DLAT: variants seen among roughly 807,000 people sequenced by gnomAD.
DLAT encodes dihydrolipoyllysine-residue acetyltransferase component of pyruvate dehydrogenase complex, mitochondrial.
In DLAT, 43 loss-of-function variants were observed where a neutral mutation model predicts 68.0. The observed-to-expected ratio is 0.63, with a 90% CI of 0.50 to 0.81. The LOEUF is 0.81. Ranked by LOEUF, DLAT falls within the 40% of genes least tolerant of loss-of-function variation. The pLI is 0.00. For synonymous variants in DLAT, 265 were observed against 288.6 expected, an observed-to-expected ratio of 0.92 and a Z score of 0.83; for missense variants, 745 against 815.4, an observed-to-expected ratio of 0.91 and a Z score of 1.05.
chr11:112,033,781 G>A (rs1862546443), intron 5 of DLAT, among the ~76,000 whole-genome samples: 3 of 152,052 alleles, frequency 2.0e-5, no homozygotes. Context: ...GCGGTGGCAA[G>A]ATCATAGCTC....
rs1448176285 is a variant in DLAT at position 112,036,179 on chromosome 11, G to A, written c.788-1094G>A. ...TGTGTGTGTATATATGTGTGTGTGT[G>A]TGTGTGTGTGTGTGTGTGTGTGTTT... On this transcript the variant is annotated intron_variant, in intron 5 of 13. Coordinates refer to ENST00000280346, the MANE Select transcript of DLAT (RefSeq NM_001931.5). 7.1e-5 allele frequency among the ~76,000 whole-genome samples: 5 copies of A among 70,290 alleles called. No homozygotes were observed. In the East Asian group the frequency reaches 1.9e-3, roughly 27 times the overall value. 46.1% of individuals were successfully genotyped at this position (70,290 alleles called of 152,430 possible).
At chr11:112,058,295 ATACCTTGGC>A (rs1373933909) in intron 11 of DLAT, among the ~76,000 whole-genome samples, 1 of 152,220 alleles carries the variant, frequency 6.6e-6, no homozygotes, top group Admixed American at 6.5e-5. Context: ...TTGCTGTGTG[ATACCTTGGC>A]TACAGTTCTG....
intron 1 of DLAT, 103 bp downstream of exon 1, chr11:112,025,854 C>G: frequency 7.0e-7 from 1 of 1,432,542 alleles, no homozygotes; most frequent in Admixed American, 2.2e-5. Flanking sequence ...CCACCCATTC[C>G]CAGTATCTGC....
intron 10 of DLAT, among the ~76,000 whole-genome samples, chr11:112,047,403 A>G (rs920298257): frequency 6.6e-6 from 1 of 152,100 alleles, no homozygotes; most frequent in East Asian, 1.9e-4. Context: ...ATTTTCTCCC[A>G]TTCTGTAGGT....
chr11:112,041,496 GT>G (rs1197399635), intron 7 of DLAT, among the ~76,000 whole-genome samples: 1 of 152,170 alleles, frequency 6.6e-6, no homozygotes, highest in African/African-American at 2.4e-5. Flanking sequence ...AGCCAACCAT[GT>G]GAAGAACTGG....
chr11:112,047,702 C>T (rs1295417348), intron 10 of DLAT, among the ~76,000 whole-genome samples: 1 of 152,198 alleles, frequency 6.6e-6, no homozygotes, highest in Admixed American at 6.5e-5. Context: ...GTTTTCCCAA[C>T]ATCATTGATT....
intron 10 of DLAT, among the ~76,000 whole-genome samples, chr11:112,049,620 G>T (rs868918775): frequency 1.3e-5 from 2 of 151,692 alleles, no homozygotes; most frequent in Middle Eastern, 3.4e-3. Context: ...GAGAAGGGCG[G>T]AAGAGTAGAA....
At chr11:112,038,201 T>A (rs1461107255) in intron 6 of DLAT, among the ~76,000 whole-genome samples, 2 of 151,438 alleles carry the variant, frequency 1.3e-5, no homozygotes, top group Non-Finnish European at 2.9e-5. Context: ...GTTGGATTTC[T>A]TTTGTTGTTG....
chr11:112,035,918 G>A (rs1386906978), intron 5 of DLAT, among the ~76,000 whole-genome samples: 3 of 147,014 alleles, frequency 2.0e-5, no homozygotes, highest in Non-Finnish European at 3.0e-5. Flanking sequence ...AGCTGCCCAA[G>A]TAGCTGGGAT....
chr11:112,059,813 T>G, intron 11 of DLAT, 90 bp from the exon 12 acceptor site: 1 of 1,202,908 alleles, frequency 8.3e-7, no homozygotes, highest in Non-Finnish European at 1.1e-6. Context: ...TCAAAAAATT[T>G]TTGAAGTAAA....
chr11:112,029,977 A>G lies in DLAT; in HGVS notation c.660+1032A>G, dbSNP rs1592662250. 3 of 1,000,462 alleles carry G rather than the reference A, an allele frequency of 3.0e-6. No individual in the cohort carries two copies. The East Asian group carries it at 9.8e-5, about 33-fold the overall frequency. The allele number at this position is 1,000,462 out of a possible 1,614,324, so 62.0% of individuals were successfully genotyped here. On this transcript the variant is annotated intron_variant, in intron 4 of 13. Transcript: ENST00000280346. The stretch of plus-strand genomic sequence containing the variant: ...ACATGCTTCCCATCCAGCCAATCAC[A>G]CTTAGAGCAGGTGATAAAGAACTGA...
At chr11:112,046,017 C>G in intron 10 of DLAT, 47 bp downstream of exon 10, 1 of 1,086,008 alleles carries the variant, frequency 9.2e-7, no homozygotes, top group Non-Finnish European at 1.4e-6. Flanking sequence ...AAAATTTTGT[C>G]TTTCCCCACC....
intron 2 of DLAT, 33 bp from the exon 3 acceptor site, chr11:112,028,482 A>T: frequency 6.2e-7 from 1 of 1,613,216 alleles, no homozygotes; most frequent in Non-Finnish European, 8.5e-7. Flanking sequence ...TACCAACAGT[A>T]CAAACCTGAG....
Position 112,045,229 on chromosome 11 carries a change from G to T in DLAT, c.1289G>T (p.Arg430Leu). 6.2e-7 allele frequency: 1 copy of T among 1,612,826 alleles called. No individual in the cohort carries two copies. The highest frequency in any genetic ancestry group is 8.5e-7 in the Non-Finnish European group (1 of 1,178,970). Reference protein sequence around the residue: ...FTDIPISNIRRVIAQRLMQSK... With the variant: ...FTDIPISNIRLVIAQRLMQSK... ...GATATCCCAATCAGCAACATTCGTC[G>T]GGTAAGAGAATTACCATCATCTGGA... Residue 430 changes from arginine to leucine, a missense_variant and splice_region_variant, in exon 9 of 14, where the codon CGG (arginine) becomes CTG (leucine). Physicochemically the swap from Arg to Leu is moderately radical, Grantham distance 102. Transcript: ENST00000280346.
rs781920122 is a variant in DLAT, at chr11:112,045,156, C to A, written c.1216C>A (p.Pro406Thr). 2.5e-6 allele frequency: 4 copies of A among 1,613,990 alleles called. No individual in the cohort carries two copies. The highest frequency in any genetic ancestry group is 2.5e-6 in the Non-Finnish European group (3 of 1,179,952). ...KVAPAPAAVV[P>T]PTGPGMAPVP... ...CCCATAGGCTCCGGCAGCTGTTGTGCCTCCCACAGGTCCTGGAATGGCACC... is the reference window on the plus strand; with the variant it reads ...CCCATAGGCTCCGGCAGCTGTTGTGACTCCCACAGGTCCTGGAATGGCACC... Residue 406 changes from proline to threonine, a missense_variant, in exon 9 of 14, where the codon CCT (proline) becomes ACT (threonine). By Grantham distance (38) the Pro-to-Thr change is conservative. Transcript: ENST00000280346.
At position 112,052,919 on chromosome 11, in the gene DLAT, A is replaced by C. The variant is rs114798635; in HGVS notation, c.1514+1570A>C. ...GCTTATTATATAAGGGCTCATTATAAATAACAAAACATACTCCTATCACTC... is the reference window on the plus strand; with the variant it reads ...GCTTATTATATAAGGGCTCATTATACATAACAAAACATACTCCTATCACTC... On this transcript the variant is annotated intron_variant, in intron 11 of 13. Coordinates refer to ENST00000280346, the MANE Select transcript of DLAT (RefSeq NM_001931.5). Among the ~76,000 whole-genome samples, 1,365 of 152,236 alleles carry C rather than the reference A, an allele frequency of 9.0e-3. 11 individuals carry two copies. The highest frequency in any genetic ancestry group is 0.03 in the African/African-American group (1,251 of 41,530).
chr11:112,025,714 C>G lies in DLAT; in HGVS notation c.242C>G (p.Pro81Arg). The change falls in exon 1 of 14, where the codon CCC becomes CGC. Residue 81 changes from proline to arginine, a missense_variant. Physicochemically the swap from Pro to Arg is moderately radical, Grantham distance 103. Coordinates refer to ENST00000280346, the MANE Select transcript of DLAT (RefSeq NM_001931.5). Reference sequence around the variant, plus strand: ...TTACTGCTGCAGCTTTTGGGGTCGCCCGGCCGCCGCTATTACAGTCTTCCC... The same window carrying G: ...TTACTGCTGCAGCTTTTGGGGTCGCGCGGCCGCCGCTATTACAGTCTTCCC... Reference protein sequence around the residue: ...NRLLLQLLGSPGRRYYSLPPH... With the variant: ...NRLLLQLLGSRGRRYYSLPPH... 1 of 1,612,850 alleles carries G rather than the reference C, an allele frequency of 6.2e-7. No homozygotes were observed.
chr11:112,032,783 A>C (rs1237211887), intron 4 of DLAT, among the ~76,000 whole-genome samples: 1 of 152,168 alleles, frequency 6.6e-6, no homozygotes, highest in East Asian at 1.9e-4. Flanking sequence ...AAAAAAATGA[A>C]GTCTGGGCGC....
At chr11:112,045,060 A>G (rs923195086) in intron 8 of DLAT, 78 bp from the exon 9 acceptor site, 1 of 1,079,624 alleles carries the variant, frequency 9.3e-7, no homozygotes, top group Non-Finnish European at 1.4e-6. Flanking sequence ...AAAACTGCAT[A>G]GTCACTGGCA....
Sources: gnomAD v4.1 joint callset for allele counts (sites outside exome capture counted in the v4.1 genomes callset) on GRCh38, gnomAD v4.1.1 for gene constraint, MANE v1.5 for transcripts, NCBI Gene and HGNC (gene_info 2026-07-23, HGNC 2026-07-21) for gene names.